Variants in SYNE1 observed in about 807,000 individuals in gnomAD.
SYNE1 encodes the protein spectrin repeat containing nuclear envelope protein 1.
A neutral mutation model predicts 1,111.0 loss-of-function variants in SYNE1; 616 were observed. The ratio of observed to expected loss-of-function variants is 0.55; its 90% CI spans 0.52 to 0.59. The LOEUF is 0.59. Among genes scored for constraint, SYNE1 ranks in the 20% least tolerant of loss-of-function variants. The probability of loss-of-function intolerance (pLI) is 0.00; values close to 1 mark genes in which losing one functional copy is unlikely to be tolerated. For synonymous variants in SYNE1, 3,855 were observed against 3,825.8 expected (o/e 1.01, Z -0.28); for missense variants, 10,006 against 10,417.0 (o/e 0.96, Z 1.72).
chr6:152,574,496 T>A (rs1331582014), intron 3 of SYNE1, among the ~76,000 whole-genome samples: 1 of 152,146 alleles, frequency 6.6e-6, no homozygotes, highest in Non-Finnish European at 1.5e-5. Flanking sequence ...CCTCTTGCTC[T>A]CACTTCTTTC....
intron 52 of SYNE1, among the ~76,000 whole-genome samples, chr6:152,390,841 T>C (rs974980123): frequency 6.6e-6 from 1 of 152,176 alleles, no homozygotes; most frequent in African/African-American, 2.4e-5. Context: ...ATAGTCTGGG[T>C]TGGTGATCTC....
chr6:152,171,154 A>C (rs2065111599), intron 130 of SYNE1, among the ~76,000 whole-genome samples: 1 of 152,200 alleles, frequency 6.6e-6, no homozygotes, highest in Admixed American at 6.5e-5. Flanking sequence ...AAATGGACTA[A>C]TACAGTGGTA....
chr6:152,614,872 T>A (rs550594929), intron 3 of SYNE1, among the ~76,000 whole-genome samples: 1 of 152,252 alleles, frequency 6.6e-6, no homozygotes, highest in East Asian at 1.9e-4. Context: ...CTCAGCAAAC[T>A]ATCACAAAGA....
At chr6:152,270,609 G>A (rs1342155084) in intron 98 of SYNE1, among the ~76,000 whole-genome samples, 1 of 152,202 alleles carries the variant, frequency 6.6e-6, no homozygotes, top group Non-Finnish European at 1.5e-5. Context: ...AGATTCATCT[G>A]TCAAAGGATA....
At position 152,381,209 on chromosome 6, in the gene SYNE1, T is replaced by C; in HGVS notation, c.8806A>G (p.Ser2936Gly). Residue 2936 changes from serine to glycine, a missense_variant, in exon 56 of 146, where the codon AGT becomes GGT. Physicochemically the swap from Ser to Gly is moderately conservative, Grantham distance 56. Coordinates refer to ENST00000367255, the MANE Select transcript of SYNE1 (RefSeq NM_182961.4). ...AAACAGCTCTGCGTTTGGAATACAC[T>C]GTCTTCCCACTGCTTCCAGTCGGCA... is the stretch of plus-strand genomic sequence containing the variant. ...LRADWKQWED[S>G]VFQTQSCLEN... is the part of the protein sequence containing the mutation. 4 of 1,614,252 alleles carry C rather than the reference T, an allele frequency of 2.5e-6. No homozygotes were observed. The highest frequency in any genetic ancestry group is 1.3e-5 in the African/African-American group (1 of 75,068).
chr6:152,313,448 CA>C (rs1466018142), intron 87 of SYNE1, among the ~76,000 whole-genome samples: 7 of 151,038 alleles, frequency 4.6e-5, no homozygotes, highest in African/African-American at 1.7e-4. Flanking sequence ...AGAAAAAACA[CA>C]ATGGATTTTC....
intron 101 of SYNE1, among the ~76,000 whole-genome samples, chr6:152,258,272 TA>T (rs1401631044): frequency 6.6e-6 from 1 of 152,158 alleles, no homozygotes; most frequent in Admixed American, 6.5e-5. Context: ...GGATCAAAAT[TA>T]AAAATTTAGG....
chr6:152,383,375 C>T (rs886201457), intron 55 of SYNE1, among the ~76,000 whole-genome samples: 1 of 152,228 alleles, frequency 6.6e-6, no homozygotes, highest in African/African-American at 2.4e-5. Flanking sequence ...GCCATTTACT[C>T]CTAAATCCAT....
intron 42 of SYNE1, among the ~76,000 whole-genome samples, chr6:152,413,095 C>G (rs1278275965): frequency 6.6e-6 from 1 of 152,176 alleles, no homozygotes; most frequent in African/African-American, 2.4e-5. Flanking sequence ...AGGTGATTCG[C>G]CTGCCTTGGC....
chr6:152,574,278 T>C (rs2099487271), intron 3 of SYNE1, among the ~76,000 whole-genome samples: 1 of 150,594 alleles, frequency 6.6e-6, no homozygotes, highest in Non-Finnish European at 1.5e-5. Flanking sequence ...GGAGTAGGTT[T>C]AGAGAGGAAA....
intron 98 of SYNE1, among the ~76,000 whole-genome samples, chr6:152,273,522 T>G (rs1265926626): frequency 2.0e-5 from 3 of 152,232 alleles, no homozygotes; most frequent in Non-Finnish European, 4.4e-5. Flanking sequence ...TGTGGAAAAT[T>G]TAAGGCTCTT....
chr6:152,135,085 C>CA lies in SYNE1; in HGVS notation c.25788+18dup, dbSNP rs1187750937. The stretch of plus-strand genomic sequence containing the variant: ...CCTGCTAAAAATAACTGGAGGCTGC[C>CA]AGAGTTCACACATCTTACCATAAGC... On this transcript the variant is annotated intron_variant, in intron 142 of 145. Coordinates refer to ENST00000367255, the MANE Select transcript of SYNE1 (RefSeq NM_182961.4). 1.4e-5 allele frequency: 22 copies of CA among 1,613,872 alleles called. No homozygotes were observed. The highest frequency in any genetic ancestry group is 1.7e-5 in the Non-Finnish European group (20 of 1,179,982).
chr6:152,452,998 C>A (rs2098663916), intron 25 of SYNE1, among the ~76,000 whole-genome samples: 1 of 152,164 alleles, frequency 6.6e-6, no homozygotes, highest in African/African-American at 2.4e-5. Context: ...GGTTCCACCT[C>A]CCTCTTTCAA....
At chr6:152,178,659 G>A (rs2067089198) in intron 129 of SYNE1, among the ~76,000 whole-genome samples, 1 of 152,138 alleles carries the variant, frequency 6.6e-6, no homozygotes, top group Admixed American at 6.5e-5. Flanking sequence ...AATACTGGCT[G>A]AGTGCTTATG....
chr6:152,529,931 A>T (rs2099187743), intron 4 of SYNE1, among the ~76,000 whole-genome samples: 1 of 152,146 alleles, frequency 6.6e-6, no homozygotes, highest in African/African-American at 2.4e-5. Context: ...CAGCAAAAAA[A>T]AAGTTAACCC....
chr6:152,384,451 G>A (rs1178769501), intron 55 of SYNE1, among the ~76,000 whole-genome samples: 1 of 152,182 alleles, frequency 6.6e-6, no homozygotes, highest in Non-Finnish European at 1.5e-5. Flanking sequence ...ACGAAGAAAT[G>A]TATCAAAGAA....
chr6:152,426,767 A>G (rs2098364222), intron 38 of SYNE1, among the ~76,000 whole-genome samples: 1 of 152,234 alleles, frequency 6.6e-6, no homozygotes, highest in African/African-American at 2.4e-5. Flanking sequence ...AGATGAGTGC[A>G]GACACCAGTG....
At chr6:152,590,993 C>A (rs954772501) in intron 3 of SYNE1, among the ~76,000 whole-genome samples, 1 of 152,070 alleles carries the variant, frequency 6.6e-6, no homozygotes, top group African/African-American at 2.4e-5. Context: ...GCCATTTTTA[C>A]GATGTTGATT....
chr6:152,615,515 A>G (rs1405691), intron 3 of SYNE1, among the ~76,000 whole-genome samples: 108,662 of 151,856 alleles, frequency 0.72, 38,974 homozygotes, highest in East Asian at 0.81. Context: ...TTTGATTATT[A>G]TTATGGTGCT....
Sources: allele counts gnomAD v4.1 joint callset (sites outside exome capture counted in the v4.1 genomes callset), GRCh38; gene constraint gnomAD v4.1.1; transcripts MANE v1.5; gene names NCBI Gene and HGNC (gene_info 2026-07-23, HGNC 2026-07-21).